ZNF385C: variants seen among roughly 807,000 people sequenced by gnomAD.
The protein encoded by ZNF385C is zinc finger protein 385C, also known as CTD-2132N18.2.
Under a neutral mutation model 35.4 loss-of-function variants are expected in ZNF385C, and 28 were observed. That is an observed-to-expected ratio of 0.79 (90% CI 0.59 to 1.08). The LOEUF (loss-of-function observed/expected upper bound fraction) is 1.08, where lower values mean the gene tolerates loss of function less well. ZNF385C is among the 50% of genes least tolerant of loss of function. ZNF385C has a pLI of 0.00. For synonymous variants in ZNF385C, 248 were observed against 248.2 expected, an observed-to-expected ratio of 1.00 and a Z score of 0.01; for missense variants, 605 against 595.6, an observed-to-expected ratio of 1.02 and a Z score of -0.16.
At chr17:42,054,906 C>G (rs2053348842) in intron 2 of ZNF385C, among the ~76,000 whole-genome samples, 1 of 152,098 alleles carries the variant, frequency 6.6e-6, no homozygotes, top group Non-Finnish European at 1.5e-5. Flanking sequence ...TCCTGACACC[C>G]CTCCCATGCC....
intron 1 of ZNF385C, among the ~76,000 whole-genome samples, chr17:42,064,030 C>A (rs982247687): frequency 1.3e-5 from 2 of 151,532 alleles, no homozygotes; most frequent in East Asian, 3.9e-4. Flanking sequence ...CTGAAGACAG[C>A]GCCCCTGCCC....
At chr17:42,030,880 G>T (rs1252659319) in intron 5 of ZNF385C, among the ~76,000 whole-genome samples, 3 of 152,146 alleles carry the variant, frequency 2.0e-5, no homozygotes, top group African/African-American at 7.2e-5. Context: ...GGAGTGCCAA[G>T]GAATACTGGC....
At chr17:42,086,335 T>G (rs568611059) in intron 1 of ZNF385C, among the ~76,000 whole-genome samples, 48 of 152,224 alleles carry the variant, frequency 3.2e-4, no homozygotes, top group Non-Finnish European at 5.9e-4. Context: ...GAGGTTGCAG[T>G]GAGCTGAGAT....
intron 2 of ZNF385C, chr17:42,040,880 G>C (rs1461612969): frequency 8.1e-6 from 10 of 1,232,178 alleles, no homozygotes; most frequent in African/African-American, 4.7e-5. Flanking sequence ...GTGGCCCGGA[G>C]CTGTGGGCCC....
rs186593682 is a variant in ZNF385C, at chr17:42,028,639, C to T, written c.967+144G>A. ...AAGGAGTAATGGGAGGACCCAGAAA[C>T]GTCCGTTCAGTAACACACAAGCACA... On this transcript the variant is annotated intron_variant, in intron 6 of 8. Transcript: ENST00000692273. The T allele has an allele frequency of 1.1e-3, 1,202 of 1,056,792 alleles. 3 individuals are homozygous for T. The highest frequency in any genetic ancestry group is 1.5e-3 in the Non-Finnish European group (1,095 of 748,694). The allele number at this position is 1,056,792 out of a possible 1,614,324, so 65.5% of individuals were successfully genotyped here.
intron 1 of ZNF385C, among the ~76,000 whole-genome samples, chr17:42,073,867 C>T (rs1567994709): frequency 6.6e-6 from 1 of 152,220 alleles, no homozygotes; most frequent in African/African-American, 2.4e-5. Flanking sequence ...TACTGGGGAC[C>T]AGGCCACACA....
intron 2 of ZNF385C, among the ~76,000 whole-genome samples, chr17:42,045,363 T>G (rs1388318703): frequency 2.0e-5 from 3 of 152,264 alleles, no homozygotes; most frequent in African/African-American, 7.2e-5. Context: ...AACTCTACCT[T>G]TTAATTATCT....
intron 2 of ZNF385C, among the ~76,000 whole-genome samples, chr17:42,047,986 A>C (rs2053203604): frequency 6.6e-6 from 1 of 151,964 alleles, no homozygotes; most frequent in Admixed American, 6.6e-5. Context: ...GGTGATGCTC[A>C]CCACACCCTC....
At chr17:42,066,309 C>T (rs191692960) in intron 1 of ZNF385C, among the ~76,000 whole-genome samples, 26 of 152,288 alleles carry the variant, frequency 1.7e-4, no homozygotes, top group African/African-American at 4.6e-4. Context: ...CCGCCCACCT[C>T]GGCCTCCCAA....
intron 1 of ZNF385C, among the ~76,000 whole-genome samples, chr17:42,087,527 G>T (rs149721472): frequency 6.6e-6 from 1 of 152,284 alleles, no homozygotes; most frequent in East Asian, 1.9e-4. Context: ...GTGCTTATCT[G>T]CAGCTCTCTG....
rs543658448 is a variant in ZNF385C at position 42,030,447 on chromosome 17, C to T, written c.676+1172G>A. ...AGGTTGCAGTGAGCCAAGATTGCAC[C>T]GCTGTGCTCCAGCCTGGGAGACAGA... On this transcript the variant is annotated intron_variant, in intron 5 of 8. Coordinates refer to ENST00000692273, the MANE Select transcript of ZNF385C (RefSeq NM_001392013.1). 5.9e-5 allele frequency among the ~76,000 whole-genome samples: 9 copies of T among 152,198 alleles called. No homozygotes were observed. In the East Asian group the frequency reaches 1.2e-3, roughly 20 times the overall value.
At chr17:42,089,032 C>CAGA (rs1555660302) in intron 1 of ZNF385C, among the ~76,000 whole-genome samples, 4 of 152,100 alleles carry the variant, frequency 2.6e-5, no homozygotes, top group Non-Finnish European at 5.9e-5. Flanking sequence ...GCAGAACAGC[C>CAGA]ACCTCACTGG....
chr17:42,027,231 T>C (rs2052604973), intron 8 of ZNF385C, 98 bp from the exon 9 acceptor site: 6 of 1,143,240 alleles, frequency 5.2e-6, no homozygotes, highest in Non-Finnish European at 7.7e-6. Flanking sequence ...AGGGAAAGCG[T>C]GCCTTTTAGA....
intron 1 of ZNF385C, among the ~76,000 whole-genome samples, chr17:42,082,121 C>T (rs868990249): frequency 2.6e-5 from 4 of 152,236 alleles, no homozygotes; most frequent in African/African-American, 9.6e-5. Context: ...AAGCTTCCCA[C>T]CACCTCAGCC....
At chr17:42,070,260 C>T (rs1410526439) in intron 1 of ZNF385C, among the ~76,000 whole-genome samples, 3 of 152,116 alleles carry the variant, frequency 2.0e-5, no homozygotes, top group African/African-American at 4.8e-5. Flanking sequence ...AGGAGAATGG[C>T]GTGAACCCGG....
intron 2 of ZNF385C, among the ~76,000 whole-genome samples, chr17:42,048,288 A>AGCATTTTT (rs1261312799): frequency 1.3e-5 from 2 of 151,246 alleles, no homozygotes; most frequent in Non-Finnish European, 2.9e-5. Flanking sequence ...CTGTAATCCT[A>AGCATTTTT]GCATTTTTGG....
intron 1 of ZNF385C, among the ~76,000 whole-genome samples, chr17:42,085,449 T>C (rs1311346236): frequency 6.6e-6 from 1 of 151,408 alleles, no homozygotes; most frequent in African/African-American, 2.4e-5. Context: ...TTTTCTTTTT[T>C]TTTTTTTTGT....
intron 1 of ZNF385C, among the ~76,000 whole-genome samples, chr17:42,083,695 TG>T (rs1196413225): frequency 6.8e-6 from 1 of 147,380 alleles, no homozygotes; most frequent in Non-Finnish European, 1.5e-5. Context: ...CTTTCTGTAT[TG>T]CTTTTCAAGT....
At chr17:42,093,236 G>C (rs2053881400) in intron 1 of ZNF385C, among the ~76,000 whole-genome samples, 1 of 151,718 alleles carries the variant, frequency 6.6e-6, no homozygotes, top group African/African-American at 2.4e-5. Context: ...GGAGCAGGAA[G>C]CTGGGGCCCG....
Sources: allele counts gnomAD v4.1 joint callset (sites outside exome capture counted in the v4.1 genomes callset), GRCh38; gene constraint gnomAD v4.1.1; transcripts MANE v1.5; gene names NCBI Gene and HGNC (gene_info 2026-07-23, HGNC 2026-07-21).